Variants in STYK1 observed in about 807,000 individuals in gnomAD.
STYK1 encodes the protein tyrosine-protein kinase STYK1.
Under a neutral mutation model 48.1 loss-of-function variants are expected in STYK1, and 46 were observed. The ratio of observed to expected loss-of-function variants is 0.96; its 90% confidence interval spans 0.75 to 1.22. The LOEUF is 1.22. Among genes scored for constraint, STYK1 ranks in the 50% most tolerant of loss-of-function variants. The pLI, the probability that STYK1 is intolerant of heterozygous loss-of-function variation, is 0.00. For synonymous variants in STYK1, 188 were observed against 189.0 expected, an observed-to-expected ratio of 0.99 and a Z score of 0.04; for missense variants, 527 against 521.1, an observed-to-expected ratio of 1.01 and a Z score of -0.11.
intron 1 of STYK1, among the ~76,000 whole-genome samples, chr12:10,666,408 C>T (rs971044554): frequency 6.6e-6 from 1 of 152,190 alleles, no homozygotes; most frequent in Non-Finnish European, 1.5e-5. Context: ...ATACTGTCTC[C>T]TAAAGTTGTC....
intron 1 of STYK1, among the ~76,000 whole-genome samples, chr12:10,669,605 G>A (rs1193882557): frequency 6.6e-6 from 1 of 151,748 alleles, no homozygotes; most frequent in African/African-American, 2.4e-5. Context: ...CAAAAGCACA[G>A]GCAACAAAAG....
In STYK1 at chr12:10,634,706, T is replaced by C. The variant is rs890683212; in HGVS notation, c.-68-20A>G. ...TAATTCCTAAGGATTGAGTGGTTTT[T>C]GAAAAAAATAAAATGAATGAAAAAA... On this transcript the variant is annotated intron_variant, in intron 2 of 10. Transcript: ENST00000075503. 1 of 1,469,626 alleles carries C rather than the reference T, an allele frequency of 6.8e-7. No individual in the cohort carries two copies. The highest frequency in any genetic ancestry group is 9.4e-7 in the Non-Finnish European group (1 of 1,068,692). The allele number at this position is 1,469,626 out of a possible 1,614,324, so 91.0% of individuals were successfully genotyped here.
chr12:10,666,486 T>C (rs943090553), intron 1 of STYK1, among the ~76,000 whole-genome samples: 1 of 152,236 alleles, frequency 6.6e-6, no homozygotes, highest in African/African-American at 2.4e-5. Context: ...TGTCTGAGTG[T>C]ACAACTAAAA....
chr12:10,662,737 C>A (rs891947930), intron 1 of STYK1, among the ~76,000 whole-genome samples: 5 of 151,998 alleles, frequency 3.3e-5, no homozygotes, highest in Non-Finnish European at 7.4e-5. Context: ...TGTAAGTACC[C>A]AGTATATAGT....
chr12:10,654,970 G>A (rs1297364670), intron 1 of STYK1, among the ~76,000 whole-genome samples: 1 of 152,122 alleles, frequency 6.6e-6, no homozygotes, highest in East Asian at 1.9e-4. Context: ...GTCTCTCTGA[G>A]CTCCTTGCCT....
intron 1 of STYK1, among the ~76,000 whole-genome samples, chr12:10,640,401 G>T (rs975580278): frequency 6.6e-6 from 1 of 151,694 alleles, no homozygotes; most frequent in Non-Finnish European, 1.5e-5. Flanking sequence ...TAGATAACTT[G>T]CCTTATGCCC....
intron 2 of STYK1, among the ~76,000 whole-genome samples, chr12:10,635,474 A>G (rs1048660429): frequency 1.3e-5 from 2 of 152,226 alleles, no homozygotes; most frequent in East Asian, 1.9e-4. Flanking sequence ...CAGAGCTTCA[A>G]GGTGCTTCCT....
At position 10,672,634 on chromosome 12, in the gene STYK1, G is replaced by A. The variant is rs949843333; in HGVS notation, c.-195+1332C>T. Among the ~76,000 whole-genome samples the A allele has an allele frequency of 6.6e-6, 1 of 152,090 alleles. No homozygotes were observed. The highest frequency in any genetic ancestry group is 1.5e-5 in the Non-Finnish European group (1 of 68,020). On this transcript the variant is annotated intron_variant, in intron 1 of 10. Coordinates refer to ENST00000075503, the MANE Select transcript of STYK1 (RefSeq NM_018423.3). This position sits in a 1 kb window ranked among gnomAD's most constrained non-coding sequence, Gnocchi z 4.0. Reference sequence around the variant, plus strand: ...TTATGAGACTCTAATGCCTGATGACGTAAGGTGGAACAGTTTCATTCTGAA... The same window carrying A: ...TTATGAGACTCTAATGCCTGATGACATAAGGTGGAACAGTTTCATTCTGAA...
At chr12:10,653,239 AT>A (rs33946697) in intron 1 of STYK1, among the ~76,000 whole-genome samples, 3 of 150,546 alleles carry the variant, frequency 2.0e-5, no homozygotes, top group East Asian at 2.0e-4. Context: ...TGCCCAGCTA[AT>A]TTTTTTTTGT....
At chr12:10,654,675 T>A (rs1445428948) in intron 1 of STYK1, among the ~76,000 whole-genome samples, 3 of 152,202 alleles carry the variant, frequency 2.0e-5, no homozygotes, top group African/African-American at 7.2e-5. Context: ...GGATGCTTAA[T>A]GAAACTTGAG....
intron 10 of STYK1, 81 bp from the exon 11 acceptor site, chr12:10,620,429 A>C: frequency 7.7e-7 from 1 of 1,301,246 alleles, no homozygotes; most frequent in Non-Finnish European, 1.1e-6. Context: ...ACAAACTTTA[A>C]CAAACAACTC....
chr12:10,622,821 T>C (rs1239580418), intron 8 of STYK1, 143 bp from the exon 9 acceptor site: 3 of 861,974 alleles, frequency 3.5e-6, no homozygotes, highest in Non-Finnish European at 5.4e-6. Context: ...AAAAACAAAA[T>C]AACAGCCATT....
intron 1 of STYK1, among the ~76,000 whole-genome samples, chr12:10,650,756 T>G (rs1947653870): frequency 6.6e-6 from 1 of 152,060 alleles, no homozygotes; most frequent in African/African-American, 2.4e-5. Flanking sequence ...ATTCCAGTAC[T>G]TTGGGAGGCG....
intron 1 of STYK1, among the ~76,000 whole-genome samples, chr12:10,643,739 A>G (rs1213373520): frequency 6.6e-6 from 1 of 152,204 alleles, no homozygotes; most frequent in African/African-American, 2.4e-5. Flanking sequence ...AAGGCAAGAG[A>G]GGAGGAATAT....
intron 1 of STYK1, among the ~76,000 whole-genome samples, chr12:10,657,204 G>A (rs1369106799): frequency 6.6e-6 from 1 of 152,170 alleles, no homozygotes; most frequent in Non-Finnish European, 1.5e-5. Flanking sequence ...TTCCAGCTGT[G>A]CCTGCCTATT....
intron 1 of STYK1, among the ~76,000 whole-genome samples, chr12:10,664,373 CA>C (rs1156640066): frequency 3.3e-5 from 5 of 152,176 alleles, no homozygotes; most frequent in African/African-American, 1.2e-4. Context: ...GCTCCCTAGG[CA>C]CCCAAAATAT....
intron 6 of STYK1, 155 bp downstream of exon 6, chr12:10,629,338 A>G (rs1183678430): frequency 1.3e-6 from 1 of 747,540 alleles, no homozygotes; most frequent in East Asian, 2.7e-5. Context: ...TATTTCTATA[A>G]TTACAAAAAG....
At chr12:10,646,342 G>C (rs1223779349) in intron 1 of STYK1, among the ~76,000 whole-genome samples, 1 of 152,186 alleles carries the variant, frequency 6.6e-6, no homozygotes, top group African/African-American at 2.4e-5. Flanking sequence ...AACTTGTTGG[G>C]AACCAGAGCA....
chr12:10,667,466 A>C (rs1947844886), intron 1 of STYK1: 1 of 151,900 alleles, frequency 6.6e-6, no homozygotes, highest in Non-Finnish European at 1.5e-5. Context: ...CTTAAAAAAA[A>C]AAAAAATACA....
Sources: allele counts gnomAD v4.1 joint callset (sites outside exome capture counted in the v4.1 genomes callset), GRCh38; gene constraint gnomAD v4.1.1; non-coding constraint Gnocchi (gnomAD v3.1); transcripts MANE v1.5; gene names NCBI Gene and HGNC (gene_info 2026-07-23, HGNC 2026-07-21).